HOOK1: variants seen among roughly 807,000 people sequenced by gnomAD.
HOOK1 encodes the protein hook microtubule tethering protein 1, also known as protein Hook homolog 1.
Under a neutral mutation model 112.8 loss-of-function variants are expected in HOOK1, and 60 were observed. The ratio of observed to expected loss-of-function variants is 0.53; its 90% CI spans 0.43 to 0.66. The LOEUF (loss-of-function observed/expected upper bound fraction) is 0.66. HOOK1 is among the 30% of genes least tolerant of loss of function. The probability of loss-of-function intolerance (pLI) is 0.00; values close to 1 mark genes in which losing one functional copy is unlikely to be tolerated. For synonymous variants in HOOK1, 294 were observed against 283.8 expected (o/e 1.04, Z -0.36); for missense variants, 770 against 856.0 (o/e 0.90, Z 1.25).
intron 14 of HOOK1, 120 bp from the exon 15 acceptor site, chr1:59,860,067 TG>T: frequency 3.2e-6 from 2 of 618,358 alleles, no homozygotes; most frequent in Non-Finnish European, 5.3e-6. Flanking sequence ...CTATGCTAGC[TG>T]GTCCTGCTTG....
chr1:59,824,836 A>G (rs2098388664), intron 2 of HOOK1, among the ~76,000 whole-genome samples: 1 of 152,238 alleles, frequency 6.6e-6, no homozygotes, highest in Non-Finnish European at 1.5e-5. Flanking sequence ...AGTTATTTTA[A>G]AAACACATGG....
chr1:59,842,938 TG>T (rs1319415782), intron 8 of HOOK1, among the ~76,000 whole-genome samples: 1 of 152,062 alleles, frequency 6.6e-6, no homozygotes, highest in African/African-American at 2.4e-5. Flanking sequence ...CTTAGCTTTT[TG>T]TTATTGAATC....
At chr1:59,853,794 A>G (rs938860146) in intron 12 of HOOK1, among the ~76,000 whole-genome samples, 1 of 151,534 alleles carries the variant, frequency 6.6e-6, no homozygotes, top group East Asian at 1.9e-4. Flanking sequence ...CTTACCTTGA[A>G]ACAATCCATT....
chr1:59,831,544 A>G (rs2098393986), intron 3 of HOOK1, among the ~76,000 whole-genome samples: 1 of 152,276 alleles, frequency 6.6e-6, no homozygotes, highest in African/African-American at 2.4e-5. Flanking sequence ...TTTTACACAA[A>G]TCTCCAGAGC....
intron 8 of HOOK1, among the ~76,000 whole-genome samples, chr1:59,841,536 GTC>G (rs1190749694): frequency 2.0e-5 from 3 of 152,262 alleles, no homozygotes; most frequent in East Asian, 3.9e-4. Flanking sequence ...TGAAGTAAGT[GTC>G]TCAAGTAAGG....
rs145956527 is a variant in HOOK1 at position 59,823,046 on chromosome 1, T to C, written c.149+1103T>C. On this transcript the variant is annotated intron_variant, in intron 2 of 21. Coordinates refer to ENST00000371208, the MANE Select transcript of HOOK1 (RefSeq NM_015888.6). ...TTTCTTAAATGTTTGATTGGCCGGG[T>C]GCGGTGGCTCAAGCCTGTAATCCCA... Among the ~76,000 whole-genome samples, 758 of 152,236 alleles carry C rather than the reference T, an allele frequency of 5.0e-3. 6 individuals are homozygous for C. Among genetic ancestry groups the C allele is most frequent in the African/African-American group, 0.014 (577 of 41,548 alleles).
intron 3 of HOOK1, 54 bp downstream of exon 3, chr1:59,828,906 G>C: frequency 7.3e-7 from 1 of 1,369,552 alleles, no homozygotes; most frequent in Non-Finnish European, 1.0e-6. Context: ...CCTAAAGTTA[G>C]CACTAAGTTA....
chr1:59,858,910 A>C, intron 13 of HOOK1, 75 bp from the exon 14 acceptor site: 1 of 552,520 alleles, frequency 1.8e-6, no homozygotes, highest in Non-Finnish European at 2.9e-6. Context: ...AAAGAGAGGG[A>C]GGGGGGGAAG....
At chr1:59,822,593 G>A (rs1308493933) in intron 2 of HOOK1, among the ~76,000 whole-genome samples, 3 of 152,232 alleles carry the variant, frequency 2.0e-5, no homozygotes, top group African/African-American at 4.8e-5. Context: ...AAGGGTTAGG[G>A]TTACGGTCTG....
Position 59,858,525 on chromosome 1 carries a change from G to T in HOOK1, c.1330+10G>T, listed in dbSNP as rs1376050134. ...CACCTAAACCAAACAGGTTAATTTTGTTAGATTTAGAAAAGTTTCAGCCTG... is the reference window on the plus strand; with the variant it reads ...CACCTAAACCAAACAGGTTAATTTTTTTAGATTTAGAAAAGTTTCAGCCTG... On this transcript the variant is annotated intron_variant, in intron 13 of 21. Transcript: ENST00000371208. 2.0e-5 allele frequency: 31 copies of T among 1,587,222 alleles called. No individual in the cohort carries two copies. The highest frequency in any genetic ancestry group is 2.6e-5 in the Non-Finnish European group (30 of 1,155,594).
chr1:59,818,098 T>G (rs2098382914), intron 1 of HOOK1, among the ~76,000 whole-genome samples: 1 of 152,152 alleles, frequency 6.6e-6, no homozygotes, highest in African/African-American at 2.4e-5. Context: ...TTTCAGCAAG[T>G]AGAAATCAGT....
intron 1 of HOOK1, among the ~76,000 whole-genome samples, chr1:59,820,706 G>A (rs1195620850): frequency 6.6e-6 from 1 of 152,062 alleles, no homozygotes; most frequent in Non-Finnish European, 1.5e-5. Flanking sequence ...TGTGCATACT[G>A]TAATCATGGG....
chr1:59,858,588 A>C (rs973179242), intron 13 of HOOK1, 73 bp downstream of exon 13: 2 of 990,170 alleles, frequency 2.0e-6, no homozygotes, highest in Non-Finnish European at 3.2e-6. Context: ...AAAAATAAAA[A>C]CTTAACCTGT....
chr1:59,835,878 T>C (rs1017611710), intron 6 of HOOK1, among the ~76,000 whole-genome samples: 4 of 152,060 alleles, frequency 2.6e-5, no homozygotes, highest in Admixed American at 2.6e-4. Context: ...GATAATGCTC[T>C]CTTGCCTGCC....
Position 59,862,797 on chromosome 1 carries a change from C to T in HOOK1, c.1546C>T (p.Arg516Cys), listed in dbSNP as rs759024984. Residue 516 changes from arginine to cysteine, a missense_variant, in exon 16 of 22, where the codon CGT becomes TGT. Physicochemically the swap from Arg to Cys is radical, Grantham distance 180. Around this residue, in one of 3 missense-constraint regions of HOOK1, gnomAD observed 655 missense variants for 725.9 expected, o/e 0.90. Transcript: ENST00000371208. ...LETEQRLSKE[R>C]IRELQQQIED... is the part of the protein sequence containing the mutation. ...ATCTTACAATAGGCTGAGCAAAGAG[C>T]GTATTAGAGAATTGCAGCAGCAGAT... 2.4e-5 allele frequency: 38 copies of T among 1,607,828 alleles called. No individual in the cohort carries two copies. The highest frequency in any genetic ancestry group is 5.4e-5 in the African/African-American group (4 of 74,732).
rs994278171 is a variant in HOOK1, at chr1:59,835,893, A to G, written c.474+481A>G. ...GATAATGCTCTCTTGCCTGCCACTC[A>G]CCTGCTTCTGTGCAGCCCAGTTTTA... On this transcript the variant is annotated intron_variant, in intron 6 of 21. Coordinates refer to ENST00000371208, the MANE Select transcript of HOOK1 (RefSeq NM_015888.6). Among the ~76,000 whole-genome samples, 3 of 151,970 alleles carry G rather than the reference A, an allele frequency of 2.0e-5. No individual in the cohort carries two copies. The South Asian group carries it at 6.2e-4, about 32-fold the overall frequency.
intron 12 of HOOK1, among the ~76,000 whole-genome samples, chr1:59,855,975 T>TAC (rs2098410430): frequency 1.2e-5 from 1 of 83,614 alleles, no homozygotes; most frequent in Non-Finnish European, 2.5e-5. Context: ...ATTATATATA[T>TAC]ATATATATAT....
intron 1 of HOOK1, 88 bp from the exon 2 acceptor site, chr1:59,821,770 T>C: frequency 1.0e-6 from 1 of 963,256 alleles, no homozygotes; most frequent in Non-Finnish European, 1.5e-6. Flanking sequence ...TTGTTTTTTT[T>C]AGCTGTTTTC....
intron 15 of HOOK1, among the ~76,000 whole-genome samples, chr1:59,860,909 G>C (rs903753493): frequency 2.0e-5 from 3 of 151,888 alleles, no homozygotes; most frequent in Non-Finnish European, 4.4e-5. Context: ...AAGTAGATGG[G>C]ACTATAGGCA....
Sources: allele counts gnomAD v4.1 joint callset (sites outside exome capture counted in the v4.1 genomes callset), GRCh38; gene constraint gnomAD v4.1.1; regional missense constraint gnomAD v4.1.1; transcripts MANE v1.5; gene names NCBI Gene and HGNC (gene_info 2026-07-23, HGNC 2026-07-21).